Variants in TMC6 observed in about 807,000 individuals in gnomAD.
TMC6 encodes the protein transmembrane channel-like protein 6.
In TMC6, 71 loss-of-function variants were observed where a neutral mutation model predicts 95.4. The observed-to-expected ratio is 0.74, with a 90% CI of 0.61 to 0.91. The LOEUF (loss-of-function observed/expected upper bound fraction) is 0.91. Ranked by LOEUF, TMC6 falls within the 40% of genes least tolerant of loss-of-function variation. TMC6 has a pLI of 0.00. For missense variants in TMC6, 1,074 were observed against 1,079.1 expected (o/e 1.00, Z 0.07); for synonymous variants, 514 against 483.1 (o/e 1.06, Z -0.84).
At chr17:78,117,129 T>C (rs2074159508) in intron 18 of TMC6, 140 bp downstream of exon 18, 4 of 854,900 alleles carry the variant, frequency 4.7e-6, no homozygotes, top group Admixed American at 2.2e-5. Flanking sequence ...GTGCACGTAT[T>C]GATCAGGGTC....
In TMC6 at chr17:78,119,374, C is replaced by T; in HGVS notation, c.1734G>A (p.Lys578=). ...ELVWRIISEK[K]LKRRRKPEFD... ...ACTCCGGCTTCCGCCTCCTCTTCAG[C>T]TTCTTCTCGGAGATAATCCTGCCTC... is the stretch of plus-strand genomic sequence containing the variant. Residue 578 remains lysine, a synonymous_variant, in exon 14 of 20, where the codon AAG becomes AAA. Coordinates refer to ENST00000590602, the MANE Select transcript of TMC6 (RefSeq NM_001127198.5). 2 of 1,613,816 alleles carry T rather than the reference C, an allele frequency of 1.2e-6. No homozygotes were observed. Among genetic ancestry groups the T allele is most frequent in the Non-Finnish European group, 1.7e-6 (2 of 1,180,010 alleles).
At chr17:78,115,679 G>GA (rs1567983006) in intron 18 of TMC6, among the ~76,000 whole-genome samples, 28 of 113,362 alleles carry the variant, frequency 2.5e-4, no homozygotes, top group Non-Finnish European at 3.4e-4. Context: ...AGTGGGCACA[G>GA]GGGCGAAGGG....
rs1013867858 is a variant in TMC6 at position 78,124,129 on chromosome 17, C to T, written c.942G>A (p.Thr314=). The change falls in exon 9 of 20, where the codon ACG becomes ACA. Residue 314 remains threonine (T), a synonymous_variant. Transcript: ENST00000590602. ...GGGGGCTGCCACACGGCTGGTTCAG[C>T]GTGGCGTTACTGTAGTGGCCGTAGT... ...VMYYGHYSNA[T]LNQPCGSPLD... is the part of the protein sequence containing the mutation. The T allele has an allele frequency of 1.1e-5, 17 of 1,612,742 alleles. No individual in the cohort carries two copies. Among genetic ancestry groups the T allele is most frequent in the East Asian group, 2.2e-5 (1 of 44,888 alleles).
Position 78,117,942 on chromosome 17 carries a change from G to A in TMC6, c.1888-7C>T, listed in dbSNP as rs1567987325. 2 of 1,596,580 alleles carry A rather than the reference G, an allele frequency of 1.3e-6. No individual in the cohort carries two copies. Among genetic ancestry groups the A allele is most frequent in the East Asian group, 4.5e-5 (2 of 44,306 alleles). On this transcript the variant is annotated splice_polypyrimidine_tract_variant and splice_region_variant and intron_variant, in intron 15 of 19. Transcript: ENST00000590602. ...AGTTGGCCAGAAGGCTGGTCTGTGG[G>A]GAAAGGCTGCGCTCTGCCACCATCC...
Position 78,124,524 on chromosome 17 carries a change from C to A in TMC6, c.891G>T (p.Ala297=). The A allele has an allele frequency of 6.2e-7, 1 of 1,610,184 alleles. No homozygotes were observed. ...VCTGLELLTG[A]GCFTHTVMYY... ...TCCCCCAGTCCTAGGGCTTCCTCAC[C>A]GCGCCTGTGAGGAGCTCCAGGCCTG... The change falls in exon 8 of 20, where the codon GCG becomes GCT. Residue 297 remains alanine (A), a splice_region_variant and synonymous_variant. Coordinates refer to ENST00000590602, the MANE Select transcript of TMC6 (RefSeq NM_001127198.5).
upstream of TMC6, chr17:78,132,107 A>G (rs1443457599): frequency 6.5e-7 from 1 of 1,528,440 alleles, no homozygotes; most frequent in East Asian, 2.4e-5. Flanking sequence ...GGAGAGTGGC[A>G]TCATCCCACC....
intron 4 of TMC6, 23 bp downstream of exon 4, chr17:78,126,254 C>A: frequency 6.5e-7 from 1 of 1,545,608 alleles, no homozygotes. Flanking sequence ...GGGGCCGAGG[C>A]CGAGGCTGAG....
chr17:78,108,793 T>A lies in TMC6; in HGVS notation c.*4355A>T, dbSNP rs1446945354. The A allele has an allele frequency of 6.6e-6, 1 of 152,298 alleles. No homozygotes were observed. The highest frequency in any genetic ancestry group is 1.5e-5 in the Non-Finnish European group (1 of 68,080). The allele number at this position is 152,298 out of a possible 1,614,324, so 9.4% of individuals were successfully genotyped here. A position where few individuals can be genotyped will look rare whatever the true frequency, so the allele number is the denominator to read the frequency against. ...CTGCATCTGTGGATATATATTTTTT[T>A]AAGTTTATTAAATTTTTTTTTAAAT... On this transcript the variant is annotated 3_prime_UTR_variant, in exon 20 of 20. Coordinates refer to ENST00000590602, the MANE Select transcript of TMC6 (RefSeq NM_001127198.5).
At chr17:78,127,165 C>G (rs980967146) in intron 1 of TMC6, 1 of 508,926 alleles carries the variant, frequency 2.0e-6, no homozygotes, top group South Asian at 2.1e-5. Context: ...TCTGTTTCCT[C>G]GATGTCGCCA....
chr17:78,123,839 A>G, intron 9 of TMC6, 150 bp downstream of exon 9: 1 of 1,040,132 alleles, frequency 9.6e-7, no homozygotes, highest in Non-Finnish European at 1.5e-6. Flanking sequence ...ATGGGTGGGT[A>G]AGTGGATAGT....
rs1298141474 is a variant in TMC6, at chr17:78,121,708, G to A, written c.1231C>T (p.Leu411=). 2 of 1,582,388 alleles carry A rather than the reference G, an allele frequency of 1.3e-6. No homozygotes were observed. The highest frequency in any genetic ancestry group is 1.8e-5 in the Admixed American group (1 of 55,684). ...TGCCGCAGCTGCCACTCGGCCAGCA[G>A]CTCCTGCAGGCGGCACCGTGTCCCC... ...QDNIRTRLKE[L]LAEWQLRHSP... The change falls in exon 11 of 20, where the codon CTG becomes TTG. Residue 411 remains leucine, a synonymous_variant. Coordinates refer to ENST00000590602, the MANE Select transcript of TMC6 (RefSeq NM_001127198.5). The surrounding 1 kb of genome is among the most constrained non-coding windows in gnomAD (Gnocchi z 5.6).
At position 78,125,793 on chromosome 17, in the gene TMC6, G is replaced by A. The variant is rs760902082; in HGVS notation, c.363C>T (p.Val121=). The A allele has an allele frequency of 3.8e-6, 6 of 1,561,284 alleles. No homozygotes were observed. Among genetic ancestry groups the A allele is most frequent in the Non-Finnish European group, 5.2e-6 (6 of 1,153,038 alleles). The part of the protein sequence containing the change: ...RSSRPLLGNF[V]RSAWPSLRLY... ...GGCGGAGGCTGGGCCAGGCGGAGCGGACAAAGTTCCCGAGCAGGGGCCGGC... is the reference window on the plus strand; with the variant it reads ...GGCGGAGGCTGGGCCAGGCGGAGCGAACAAAGTTCCCGAGCAGGGGCCGGC... Residue 121 remains valine (V), a synonymous_variant, in exon 5 of 20, where the codon GTC becomes GTT. Transcript: ENST00000590602.
chr17:78,113,333 G>GTA, intron 19 of TMC6, 122 bp from the exon 20 acceptor site: 1 of 1,275,816 alleles, frequency 7.8e-7, no homozygotes, highest in South Asian at 1.4e-5. Flanking sequence ...CTCCTGAGAT[G>GTA]TATTTTAGGT....
intron 1 of TMC6, 77 bp from the exon 2 acceptor site, chr17:78,126,983 A>T: frequency 1.1e-6 from 1 of 898,340 alleles, no homozygotes; most frequent in South Asian, 1.4e-5. Flanking sequence ...TCCTGGGGGA[A>T]CCACAGGAGG....
chr17:78,112,343 G>A lies in TMC6; in HGVS notation c.*805C>T. The A allele has an allele frequency of 5.1e-6, 1 of 195,692 alleles. No homozygotes were observed. The highest frequency in any genetic ancestry group is 1.1e-5 in the Non-Finnish European group (1 of 92,742). The allele number at this position is 195,692 out of a possible 1,614,324, so 12.1% of individuals were successfully genotyped here. ...CTGCAGACCTGGAGCACGGGGTCAT[G>A]ACGGGCTGGTCCCCGAATCCCTGTG... On this transcript the variant is annotated 3_prime_UTR_variant, in exon 20 of 20. Coordinates refer to ENST00000590602, the MANE Select transcript of TMC6 (RefSeq NM_001127198.5).
intron 3 of TMC6, 38 bp from the exon 4 acceptor site, chr17:78,126,404 T>C (rs2074720085): frequency 6.2e-7 from 1 of 1,602,576 alleles, no homozygotes; most frequent in African/African-American, 1.3e-5. Flanking sequence ...GTCCTGGAGA[T>C]GCCATTGGCC....
At position 78,124,936 on chromosome 17, in the gene TMC6, C is replaced by G; in HGVS notation, c.586G>C (p.Gly196Arg). The change falls in exon 7 of 20, where the codon GGC becomes CGC. Residue 196 changes from glycine (G) to arginine (R), a missense_variant. Physicochemically the swap from Gly to Arg is moderately radical, Grantham distance 125. Coordinates refer to ENST00000590602, the MANE Select transcript of TMC6 (RefSeq NM_001127198.5). ...RGKWRGQPGS[G>R]GVCSCCGRLR... ...CGGCCACAGCAGGAGCAGACCCCGC[C>G]GCTGCCCGGCTGGCCCCTCCACTTC... 1 of 1,601,956 alleles carries G rather than the reference C, an allele frequency of 6.2e-7. No homozygotes were observed.
At position 78,112,364 on chromosome 17, in the gene TMC6, C is replaced by A; in HGVS notation, c.*784G>T. The A allele has an allele frequency of 5.1e-6, 1 of 195,446 alleles. No homozygotes were observed. The highest frequency in any genetic ancestry group is 6.3e-5 in the South Asian group (1 of 15,926). 12.1% of individuals were successfully genotyped at this position (195,446 alleles called of 1,614,324 possible). ...TCATGACGGGCTGGTCCCCGAATCC[C>A]TGTGCCCACCCCCCACAGCCTACGG... is the stretch of plus-strand genomic sequence containing the variant. On this transcript the variant is annotated 3_prime_UTR_variant, in exon 20 of 20. Coordinates refer to ENST00000590602, the MANE Select transcript of TMC6 (RefSeq NM_001127198.5).
At chr17:78,124,840 C>T (rs1598868443) in intron 7 of TMC6, 49 bp downstream of exon 7, 1 of 1,577,966 alleles carries the variant, frequency 6.3e-7, no homozygotes, top group Middle Eastern at 1.7e-4. Context: ...TGAGGCCACC[C>T]CAGCCCTGCC....
Sources: gnomAD v4.1 joint callset for allele counts (sites outside exome capture counted in the v4.1 genomes callset) on GRCh38, gnomAD v4.1.1 for gene constraint, Gnocchi (gnomAD v3.1) non-coding constraint, MANE v1.5 for transcripts, NCBI Gene and HGNC (gene_info 2026-07-23, HGNC 2026-07-21) for gene names.